Variants in AXDND1 observed in about 807,000 individuals in gnomAD.
AXDND1 encodes axonemal dynein light chain domain containing 1.
AXDND1 carries 110 observed loss-of-function variants against 137.5 expected under a neutral mutation model. That is an observed-to-expected ratio of 0.80 (90% CI 0.69 to 0.94). The LOEUF is 0.94. Ranked by LOEUF, AXDND1 falls within the 40% of genes least tolerant of loss-of-function variation. The probability of loss-of-function intolerance (pLI) is 0.00; values close to 1 mark genes in which losing one functional copy is unlikely to be tolerated. For synonymous variants in AXDND1, 414 were observed against 399.7 expected (o/e 1.04, Z -0.43); for missense variants, 1,191 against 1,169.8 (o/e 1.02, Z -0.26).
intron 25 of AXDND1, among the ~76,000 whole-genome samples, chr1:179,550,044 A>T (rs1673050573): frequency 6.6e-6 from 1 of 152,126 alleles, no homozygotes; most frequent in South Asian, 2.1e-4. Context: ...TGGATATGAG[A>T]GCCATTTGGA....
intron 20 of AXDND1, among the ~76,000 whole-genome samples, chr1:179,501,678 C>T (rs1259653384): frequency 6.6e-6 from 1 of 152,088 alleles, no homozygotes; most frequent in African/African-American, 2.4e-5. Flanking sequence ...CCACTGCATT[C>T]CAGCCTGGGC....
intron 15 of AXDND1, among the ~76,000 whole-genome samples, chr1:179,437,971 G>C (rs1454012963): frequency 6.6e-6 from 1 of 152,024 alleles, no homozygotes. Flanking sequence ...GACCAGTATG[G>C]TGAAACCCTG....
At chr1:179,515,166 T>G (rs953383758) in intron 21 of AXDND1, among the ~76,000 whole-genome samples, 1 of 152,184 alleles carries the variant, frequency 6.6e-6, no homozygotes, top group African/African-American at 2.4e-5. Context: ...TCATTTTTTT[T>G]GTTTTATAAG....
intron 23 of AXDND1, among the ~76,000 whole-genome samples, chr1:179,528,913 T>A (rs1349923494): frequency 2.0e-5 from 3 of 152,164 alleles, no homozygotes; most frequent in Non-Finnish European, 2.9e-5. Context: ...TTAACATCAG[T>A]ATTTCATCTC....
chr1:179,495,632 T>A (rs1417707939), intron 20 of AXDND1, among the ~76,000 whole-genome samples: 2 of 151,938 alleles, frequency 1.3e-5, no homozygotes, highest in Non-Finnish European at 2.9e-5. Context: ...AGTCATGCAG[T>A]CATGTTATCT....
Position 179,444,961 on chromosome 1 carries a change from A to G in AXDND1, c.1564-9A>G. ...ATATGCTACTCTCCCTCTTCCTTTC[A>G]CTCTTTAGATCCTGAATGAGAAAAA... is the stretch of plus-strand genomic sequence containing the variant. On this transcript the variant is annotated splice_polypyrimidine_tract_variant and intron_variant, in intron 15 of 25. Transcript: ENST00000367618. 1 of 1,566,958 alleles carries G rather than the reference A, an allele frequency of 6.4e-7. No homozygotes were observed. The highest frequency in any genetic ancestry group is 8.8e-7 in the Non-Finnish European group (1 of 1,139,556).
At chr1:179,552,738 C>G in intron 25 of AXDND1, 1 of 1,339,590 alleles carries the variant, frequency 7.5e-7, no homozygotes, top group African/African-American at 1.4e-5. Flanking sequence ...GGGGCCAAAG[C>G]TTTCACACAG....
At chr1:179,525,672 A>T (rs1008556754) in intron 22 of AXDND1, among the ~76,000 whole-genome samples, 20 of 151,700 alleles carry the variant, frequency 1.3e-4, no homozygotes, top group African/African-American at 2.9e-4. Context: ...AATTTTTAAA[A>T]TTTTTTTTAT....
intron 11 of AXDND1, among the ~76,000 whole-genome samples, chr1:179,407,166 CT>C (rs1238383104): frequency 6.6e-6 from 1 of 151,770 alleles, no homozygotes; most frequent in East Asian, 1.9e-4. Context: ...TTCTTTTGTC[CT>C]TTACTTTTGA....
At chr1:179,525,279 A>C in intron 21 of AXDND1, 55 bp from the exon 22 acceptor site, 1 of 1,503,392 alleles carries the variant, frequency 6.7e-7, no homozygotes, top group Non-Finnish European at 8.9e-7. Context: ...TTTTGAACAA[A>C]TAATTGCTAA....
chr1:179,425,555 A>G (rs1165021938), intron 12 of AXDND1, among the ~76,000 whole-genome samples: 1 of 151,452 alleles, frequency 6.6e-6, no homozygotes, highest in Non-Finnish European at 1.5e-5. Flanking sequence ...AATCAACATG[A>G]TGGGGTCTCC....
At position 179,554,525 on chromosome 1, in the gene AXDND1, A is replaced by G. The variant is rs1171758025; in HGVS notation, c.*6A>G. The G allele has an allele frequency of 1.2e-6, 2 of 1,614,056 alleles. No homozygotes were observed. The highest frequency in any genetic ancestry group is 1.7e-6 in the Non-Finnish European group (2 of 1,180,022). ...CCCCAAATACAGGTCACTGAATCCAAGGCAACCTGTGGAAAGAAGAATTCA... is the reference window on the plus strand; with the variant it reads ...CCCCAAATACAGGTCACTGAATCCAGGGCAACCTGTGGAAAGAAGAATTCA... On this transcript the variant is annotated 3_prime_UTR_variant, in exon 26 of 26. Coordinates refer to ENST00000367618, the MANE Select transcript of AXDND1 (RefSeq NM_144696.6).
At chr1:179,536,935 G>T (rs1239101460) in intron 25 of AXDND1, among the ~76,000 whole-genome samples, 1 of 152,144 alleles carries the variant, frequency 6.6e-6, no homozygotes, top group African/African-American at 2.4e-5. Context: ...CACATCCCTT[G>T]TAAGTTGTTT....
intron 17 of AXDND1, among the ~76,000 whole-genome samples, chr1:179,470,276 A>G (rs1018013531): frequency 6.6e-6 from 1 of 152,160 alleles, no homozygotes; most frequent in African/African-American, 2.4e-5. Flanking sequence ...CTTCTTTTAC[A>G]GGATTATTTT....
intron 1 of AXDND1, 167 bp downstream of exon 1, chr1:179,366,167 A>G (rs1177059436): frequency 1.8e-5 from 3 of 167,188 alleles, no homozygotes; most frequent in South Asian, 1.3e-4. Flanking sequence ...AGTGTCCCCC[A>G]CCAGGGGTGC....
At chr1:179,426,710 T>C (rs1369608648) in intron 12 of AXDND1, among the ~76,000 whole-genome samples, 2 of 152,242 alleles carry the variant, frequency 1.3e-5, no homozygotes, top group Non-Finnish European at 2.9e-5. Context: ...AGGGAAATTA[T>C]AGTTATTCAA....
chr1:179,396,225 A>G (rs1191151659), intron 11 of AXDND1, among the ~76,000 whole-genome samples: 2 of 151,850 alleles, frequency 1.3e-5, no homozygotes, highest in Middle Eastern at 3.2e-3. Context: ...AAATACATCT[A>G]TATCTATGTC....
chr1:179,476,299 A>G, intron 17 of AXDND1, among the ~76,000 whole-genome samples: 1 of 152,192 alleles, frequency 6.6e-6, no homozygotes, highest in East Asian at 1.9e-4. Flanking sequence ...CTGTTTTGGC[A>G]TATATATTAC....
At chr1:179,385,149 A>T (rs1046502784) in intron 8 of AXDND1, 89 bp from the exon 9 acceptor site, 1 of 1,112,132 alleles carries the variant, frequency 9.0e-7, no homozygotes, top group Non-Finnish European at 1.3e-6. Context: ...GTGTTTCTAA[A>T]ACTTATTTAC....
Sources: allele counts gnomAD v4.1 joint callset (sites outside exome capture counted in the v4.1 genomes callset), GRCh38; gene constraint gnomAD v4.1.1; transcripts MANE v1.5; gene names NCBI Gene and HGNC (gene_info 2026-07-23, HGNC 2026-07-21).